Variants in OTOG observed in about 807,000 individuals in gnomAD.
OTOG encodes the protein otogelin.
A neutral mutation model predicts 313.8 loss-of-function variants in OTOG; 296 were observed. That is an observed-to-expected ratio of 0.94 (90% CI 0.86 to 1.04). The LOEUF (loss-of-function observed/expected upper bound fraction) is 1.04, where lower values mean the gene tolerates loss of function less well. Ranked by LOEUF, OTOG falls within the 50% of genes least tolerant of loss-of-function variation. OTOG has a pLI of 0.00. For missense variants in OTOG, 3,948 were observed against 3,840.1 expected, an observed-to-expected ratio of 1.03 and a Z score of -0.74; for synonymous variants, 1,533 against 1,554.9, an observed-to-expected ratio of 0.99 and a Z score of 0.33.
chr11:17,561,827 A>G lies in OTOG; in HGVS notation c.1644+20A>G. On this transcript the variant is annotated intron_variant, in intron 15 of 55. Transcript: ENST00000399397. ...GGCCTGGTAAGAGCTGGGGATCCCC[A>G]GGCCCGATCCACCCAGCTACTCCTG... is the stretch of plus-strand genomic sequence containing the variant. 1 of 1,549,830 alleles carries G rather than the reference A, an allele frequency of 6.5e-7. No individual in the cohort carries two copies. The highest frequency in any genetic ancestry group is 8.7e-7 in the Non-Finnish European group (1 of 1,146,820).
intron 13 of OTOG, 25 bp downstream of exon 13, chr11:17,560,842 G>T: frequency 6.5e-7 from 1 of 1,534,342 alleles, no homozygotes; most frequent in Non-Finnish European, 8.8e-7. Context: ...CCGGGAAGCA[G>T]GGTGTGGGGC....
At chr11:17,562,213 G>A (rs1427939082) in intron 15 of OTOG, among the ~76,000 whole-genome samples, 1 of 145,070 alleles carries the variant, frequency 6.9e-6, no homozygotes, top group Non-Finnish European at 1.5e-5. Context: ...ACTCCAGCCT[G>A]GGCAACAGAG....
chr11:17,550,822 G>C (rs1851915762), intron 3 of OTOG, among the ~76,000 whole-genome samples: 1 of 152,222 alleles, frequency 6.6e-6, no homozygotes, highest in Admixed American at 6.5e-5. Flanking sequence ...GAGAACCCAG[G>C]AACCAGGGGC....
chr11:17,547,402 G>T lies in OTOG; in HGVS notation c.30G>T (p.Trp10Cys), dbSNP rs1019416440. The change falls in exon 1 of 56, where the codon TGG becomes TGT. Residue 10 changes from tryptophan to cysteine, a missense_variant. By Grantham distance (215) the Trp-to-Cys change is radical. Coordinates refer to ENST00000399397, the MANE Select transcript of OTOG (RefSeq NM_001292063.2). MGVLASALC[W>C]LLCVWLPWGE... ...GAGTCCTGGCGTCTGCGCTCTGCTG[G>T]CTGCTTTGTGTCTGGCTGCCCTGGG... 1.4e-6 allele frequency: 2 copies of T among 1,423,364 alleles called. No individual in the cohort carries two copies. Among genetic ancestry groups the T allele is most frequent in the East Asian group, 2.9e-5 (1 of 34,800 alleles). 88.2% of individuals were successfully genotyped at this position (1,423,364 alleles called of 1,614,324 possible).
Position 17,573,161 on chromosome 11 carries a change from T to A in OTOG, c.2164T>A (p.Phe722Ile). Residue 722 changes from phenylalanine to isoleucine, a missense_variant, in exon 19 of 56, where the codon TTT becomes ATT. Phe to Ile is a conservative substitution (Grantham distance 21). Transcript: ENST00000399397. ...CSAFLSPVPY[F>I]EQCRRDACRC... is the part of the protein sequence containing the mutation. ...TGCGTTCCTGAGCCCCGTGCCCTAC[T>A]TTGAGCAGTGCCGCAGGGATGCCTG... 6.5e-7 allele frequency: 1 copy of A among 1,544,364 alleles called. No homozygotes were observed. The highest frequency in any genetic ancestry group is 1.4e-5 in the African/African-American group (1 of 73,170).
At chr11:17,630,535 A>G (rs1854097061) in intron 40 of OTOG, among the ~76,000 whole-genome samples, 1 of 152,198 alleles carries the variant, frequency 6.6e-6, no homozygotes, top group African/African-American at 2.4e-5. Context: ...CAGATCATTT[A>G]TATCTCCATT....
Position 17,552,009 on chromosome 11 carries a change from G to T in OTOG, c.226G>T (p.Ala76Ser). Reference sequence around the variant, plus strand: ...CTCCTGTCTTCACAAGCAGGCTGAAGCCCCAGACTCCGTGGCCATGTCTTC... The same window carrying T: ...CTCCTGTCTTCACAAGCAGGCTGAATCCCCAGACTCCGTGGCCATGTCTTC... ...ATVVGGQQAEAPDSVAMSSWE... is the reference protein window; with the variant it reads ...ATVVGGQQAESPDSVAMSSWE... Residue 76 changes from alanine (A) to serine (S), a missense_variant, in exon 4 of 56, where the codon GCC (alanine) becomes TCC (serine). Ala to Ser is a moderately conservative substitution (Grantham distance 99). Transcript: ENST00000399397. 6.4e-7 allele frequency: 1 copy of T among 1,550,500 alleles called. No individual in the cohort carries two copies. Among genetic ancestry groups the T allele is most frequent in the Non-Finnish European group, 8.7e-7 (1 of 1,146,896 alleles).
At chr11:17,566,899 C>G (rs1436047747) in intron 15 of OTOG, among the ~76,000 whole-genome samples, 1 of 152,214 alleles carries the variant, frequency 6.6e-6, no homozygotes, top group Non-Finnish European at 1.5e-5. Context: ...TACATTTCAT[C>G]CTGGGATCCC....
Position 17,570,297 on chromosome 11 carries a change from G to A in OTOG, c.1862G>A (p.Gly621Glu), listed in dbSNP as rs1852376082. 6.4e-7 allele frequency: 1 copy of A among 1,550,660 alleles called. No individual in the cohort carries two copies. Among genetic ancestry groups the A allele is most frequent in the African/African-American group, 1.4e-5 (1 of 73,042 alleles). Residue 621 changes from glycine (G) to glutamate (E), a missense_variant, in exon 17 of 56, where the codon GGG (glycine) becomes GAG (glutamate). Physicochemically the swap from Gly to Glu is moderately conservative, Grantham distance 98. Transcript: ENST00000399397. ...GTGCGGGTGCTCTACGACCGTGAAG[G>A]GCTCCGACTGTACCTGCAAGTGGAC... ...VGVRVLYDRE[G>E]LRLYLQVDQR...
In OTOG at chr11:17,610,892, C is replaced by T; in HGVS notation, c.5592C>T (p.His1864=). ...TGACCCAGGCGCACCCACCCACTCA[C>T]ATAGCACCCCCAGCAGCAGGCACAG... ...AAMTQAHPPT[H]IAPPAAGTAP... Residue 1864 remains histidine, a synonymous_variant, in exon 36 of 56, where the codon CAC becomes CAT. Transcript: ENST00000399397. The T allele has an allele frequency of 6.4e-7, 1 of 1,550,736 alleles. No homozygotes were observed. Among genetic ancestry groups the T allele is most frequent in the African/African-American group, 1.4e-5 (1 of 73,170 alleles).
intron 4 of OTOG, among the ~76,000 whole-genome samples, chr11:17,552,669 C>T (rs1009809673): frequency 1.2e-4 from 8 of 64,766 alleles, no homozygotes; most frequent in South Asian, 3.5e-4. Flanking sequence ...GTCTTCCCTT[C>T]GTCTATGGTT....
At position 17,608,380 on chromosome 11, in the gene OTOG, AC is replaced by A; in HGVS notation, c.4244del (p.Pro1415HisfsTer12). The A allele has an allele frequency of 1.9e-6, 3 of 1,546,042 alleles. No individual in the cohort carries two copies. Among genetic ancestry groups the A allele is most frequent in the Non-Finnish European group, 2.6e-6 (3 of 1,145,218 alleles). On this transcript the variant is annotated frameshift_variant, in exon 34 of 56. Transcript: ENST00000399397. LOFTEE classifies it high-confidence loss of function. ...CASPCFQTCR[D>X]PRAASCRDVP... ...AGCCCCTGCTTCCAAACCTGCCGGG[AC>A]CCACGGGCAGCCAGCTGCCGGGACG...
In OTOG at chr11:17,583,360, C is replaced by T. The variant is rs181854020; in HGVS notation, c.2760-3114C>T. On this transcript the variant is annotated intron_variant, in intron 23 of 55. Transcript: ENST00000399397. The stretch of plus-strand genomic sequence containing the variant: ...CTATGTTGCCCAGGCTGATCTTGAA[C>T]TCCTGGCCTCAAGAAATCCTCCCAA... 6.4e-3 allele frequency among the ~76,000 whole-genome samples: 975 copies of T among 152,232 alleles called. 7 individuals are homozygous for T. The highest frequency in any genetic ancestry group is 0.011 in the Non-Finnish European group (741 of 68,024).
Position 17,553,414 on chromosome 11 carries a change from G to A in OTOG, c.435G>A (p.Gln145=). The change falls in exon 6 of 56, where the codon CAG becomes CAA. Residue 145 remains glutamine, a synonymous_variant. Coordinates refer to ENST00000399397, the MANE Select transcript of OTOG (RefSeq NM_001292063.2). The stretch of plus-strand genomic sequence containing the variant: ...ACAGCATTTGCCGGGCGTGGGGGCA[G>A]CACCACGTGGAGACATTTGATGGGC... The part of the protein sequence containing the change: ...ERDSICRAWG[Q]HHVETFDGLY... 4.1e-6 allele frequency: 6 copies of A among 1,471,808 alleles called. No individual in the cohort carries two copies. The highest frequency in any genetic ancestry group is 1.4e-5 in the African/African-American group (1 of 70,534). 91.2% of individuals were successfully genotyped at this position (1,471,808 alleles called of 1,614,324 possible).
rs1315173052 is a variant in OTOG, at chr11:17,611,013, A to T, written c.5713A>T (p.Ser1905Cys). Residue 1905 changes from serine (S) to cysteine (C), a missense_variant, in exon 36 of 56, where the codon AGC (serine) becomes TGC (cysteine). Coordinates refer to ENST00000399397, the MANE Select transcript of OTOG (RefSeq NM_001292063.2). ...ASMVSVVPRK[S>C]TTGKVAILSK... ...CATGGTATCTGTTGTCCCACGAAAG[A>T]GCACCACAGGGAAGGTGGCCATCCT... 7 of 1,550,550 alleles carry T rather than the reference A, an allele frequency of 4.5e-6. No individual in the cohort carries two copies. The highest frequency in any genetic ancestry group is 6.1e-6 in the Non-Finnish European group (7 of 1,147,010).
chr11:17,548,050 G>A (rs1050298266), intron 2 of OTOG, 63 bp downstream of exon 2: 4 of 1,259,144 alleles, frequency 3.2e-6, no homozygotes, highest in East Asian at 2.7e-5. Flanking sequence ...TGGCATCAGC[G>A]ACCCCAGGGC....
chr11:17,636,806 C>T (rs1854277842), intron 47 of OTOG, among the ~76,000 whole-genome samples: 1 of 152,016 alleles, frequency 6.6e-6, no homozygotes, highest in Non-Finnish European at 1.5e-5. Flanking sequence ...GTTTCTGAGC[C>T]TCAGTTGGGC....
Position 17,577,425 on chromosome 11 carries a change from TG to T in OTOG, c.2605+519del, listed in dbSNP as rs1018710844. Among the ~76,000 whole-genome samples, 10 of 151,900 alleles carry T rather than the reference TG, an allele frequency of 6.6e-5. 1 individual carries two copies. Among genetic ancestry groups the T allele is most frequent in the African/African-American group, 2.4e-4 (10 of 41,332 alleles). ...AGAGGCTGTGAGGTGGAGTAGGGCC[TG>T]GGGGCTGGAGCATTCAGGGAGGGCT... On this transcript the variant is annotated intron_variant, in intron 22 of 55. Transcript: ENST00000399397.
chr11:17,633,105 A>G (rs1013162917), intron 42 of OTOG, among the ~76,000 whole-genome samples: 1 of 152,262 alleles, frequency 6.6e-6, no homozygotes, highest in African/African-American at 2.4e-5. Context: ...TTGAAAATGC[A>G]TGGGCCCCAC....
Sources: allele counts gnomAD v4.1 joint callset (sites outside exome capture counted in the v4.1 genomes callset), GRCh38; gene constraint gnomAD v4.1.1; transcripts MANE v1.5; gene names NCBI Gene and HGNC (gene_info 2026-07-23, HGNC 2026-07-21).